The following SPIDR variants were observed in gnomAD, a reference collection of about 807,000 sequenced individuals.
SPIDR encodes scaffold protein involved in DNA repair.
In SPIDR, 93 loss-of-function variants were observed where a neutral mutation model predicts 104.6. The observed-to-expected ratio is 0.89, with a 90% CI of 0.75 to 1.06. SPIDR has a LOEUF of 1.06. Ranked by LOEUF, SPIDR falls within the 50% of genes least tolerant of loss-of-function variation. The pLI is 0.00. For missense variants in SPIDR, 1,154 were observed against 1,111.2 expected (o/e 1.04, Z -0.55); for synonymous variants, 431 against 416.9 (o/e 1.03, Z -0.41).
chr8:47,386,218 T>C (rs2059893453), intron 5 of SPIDR, among the ~76,000 whole-genome samples: 1 of 152,178 alleles, frequency 6.6e-6, no homozygotes, highest in African/African-American at 2.4e-5. Context: ...AGTCTATTCC[T>C]GTGTTGGTAC....
intron 17 of SPIDR, 49 bp downstream of exon 17, chr8:47,727,342 G>C: frequency 6.4e-7 from 1 of 1,564,858 alleles, no homozygotes; most frequent in Non-Finnish European, 8.8e-7. Flanking sequence ...AAAGGGCACA[G>C]AAGCAACCCA....
chr8:47,649,089 G>T (rs534908373), intron 10 of SPIDR, among the ~76,000 whole-genome samples: 1 of 152,212 alleles, frequency 6.6e-6, no homozygotes, highest in East Asian at 1.9e-4. Flanking sequence ...TACACAGAAT[G>T]TAATTAGAAG....
chr8:47,455,633 CAAATT>C (rs1238548341), intron 8 of SPIDR, among the ~76,000 whole-genome samples: 5 of 151,954 alleles, frequency 3.3e-5, no homozygotes, highest in Admixed American at 1.3e-4. Context: ...ACAAGAGAAT[CAAATT>C]AAACATAAGG....
chr8:47,378,038 GT>G (rs2058875926), intron 5 of SPIDR, among the ~76,000 whole-genome samples: 1 of 152,144 alleles, frequency 6.6e-6, no homozygotes, highest in South Asian at 2.1e-4. Context: ...TATGGGTAAA[GT>G]TACACCAAGA....
intron 11 of SPIDR, among the ~76,000 whole-genome samples, chr8:47,694,383 G>T (rs1216159272): frequency 6.6e-6 from 1 of 152,122 alleles, no homozygotes; most frequent in Non-Finnish European, 1.5e-5. Flanking sequence ...GCCAGCAGTG[G>T]GCAGGAAAGG....
intron 11 of SPIDR, among the ~76,000 whole-genome samples, chr8:47,692,720 T>C (rs915592825): frequency 1.3e-5 from 2 of 152,090 alleles, no homozygotes; most frequent in Non-Finnish European, 2.9e-5. Context: ...AGTGCTGGGA[T>C]TACAGGTGTG....
rs186142162 is a variant in SPIDR, at chr8:47,486,702, T to C, written c.1097+46160T>C. 2.6e-5 allele frequency among the ~76,000 whole-genome samples: 4 copies of C among 152,254 alleles called. No individual in the cohort carries two copies. The East Asian group carries it at 7.7e-4, about 29-fold the overall frequency. ...GAGAGTGGGGGCCGATATTCAACAT[T>C]CTTAAAGAAAAGAATTTTCAACCCA... is the stretch of plus-strand genomic sequence containing the variant. On this transcript the variant is annotated intron_variant, in intron 8 of 19. Coordinates refer to ENST00000297423, the MANE Select transcript of SPIDR (RefSeq NM_001080394.4).
intron 11 of SPIDR, among the ~76,000 whole-genome samples, chr8:47,674,399 G>T (rs1217659077): frequency 6.6e-6 from 1 of 151,966 alleles, no homozygotes; most frequent in Admixed American, 6.6e-5. Flanking sequence ...ATGGCACCTC[G>T]CCCTAAAATG....
At chr8:47,342,617 A>G (rs1046728632) in intron 5 of SPIDR, among the ~76,000 whole-genome samples, 7 of 152,134 alleles carry the variant, frequency 4.6e-5, no homozygotes, top group African/African-American at 1.7e-4. Context: ...GATTACAGGT[A>G]TGATCAAGTG....
intron 5 of SPIDR, among the ~76,000 whole-genome samples, chr8:47,299,021 T>C (rs1176591487): frequency 4.6e-5 from 7 of 152,192 alleles, no homozygotes; most frequent in Non-Finnish European, 1.0e-4. Context: ...GGGGATGGCA[T>C]TGAATCTATA....
intron 1 of SPIDR, among the ~76,000 whole-genome samples, chr8:47,270,985 G>C (rs1377256636): frequency 2.6e-5 from 4 of 151,964 alleles, no homozygotes; most frequent in African/African-American, 9.7e-5. Flanking sequence ...ATGGTCTGTC[G>C]GAGAATGTTT....
chr8:47,338,488 A>G (rs2050162400), intron 5 of SPIDR, among the ~76,000 whole-genome samples: 1 of 152,194 alleles, frequency 6.6e-6, no homozygotes, highest in African/African-American at 2.4e-5. Context: ...ATGTTGTTTC[A>G]ATACTAACAT....
chr8:47,508,317 A>G (rs2081796828), intron 8 of SPIDR, among the ~76,000 whole-genome samples: 1 of 152,192 alleles, frequency 6.6e-6, no homozygotes, highest in African/African-American at 2.4e-5. Flanking sequence ...ATGCAAACAC[A>G]TACCACTTTT....
At chr8:47,297,967 A>G (rs2041212924) in intron 5 of SPIDR, among the ~76,000 whole-genome samples, 1 of 152,248 alleles carries the variant, frequency 6.6e-6, no homozygotes, top group East Asian at 1.9e-4. Flanking sequence ...CTTTTGGTAT[A>G]TACCCAGTAA....
intron 10 of SPIDR, among the ~76,000 whole-genome samples, chr8:47,641,473 A>G (rs578129723): frequency 6.6e-6 from 1 of 152,370 alleles, no homozygotes; most frequent in South Asian, 2.1e-4. Flanking sequence ...AATTCGATGC[A>G]TTTACTTAGT....
chr8:47,705,240 G>C (rs891218015), intron 14 of SPIDR, among the ~76,000 whole-genome samples: 1 of 152,198 alleles, frequency 6.6e-6, no homozygotes, highest in African/African-American at 2.4e-5. Flanking sequence ...CCTCCCTCAG[G>C]GAGGTAGAGA....
intron 10 of SPIDR, among the ~76,000 whole-genome samples, chr8:47,669,173 A>G (rs1220405863): frequency 6.6e-6 from 1 of 152,230 alleles, no homozygotes; most frequent in Non-Finnish European, 1.5e-5. Flanking sequence ...TGAATATGAT[A>G]AAATTTATGG....
At chr8:47,616,360 T>C (rs2154433235) in intron 10 of SPIDR, among the ~76,000 whole-genome samples, 1 of 152,322 alleles carries the variant, frequency 6.6e-6, no homozygotes, top group South Asian at 2.1e-4. Flanking sequence ...GTTGAGTCTT[T>C]TTTGTCCTGA....
rs563462438 is a variant in SPIDR at position 47,687,122 on chromosome 8, C to T, written c.1685+13181C>T. 2.9e-4 allele frequency among the ~76,000 whole-genome samples: 44 copies of T among 152,230 alleles called. No individual in the cohort carries two copies. In the South Asian group the frequency reaches 7.5e-3, roughly 26 times the overall value. On this transcript the variant is annotated intron_variant, in intron 11 of 19. Transcript: ENST00000297423. Reference sequence around the variant, plus strand: ...CTTCTCTTTCTCAAGCCACCAACAACGGAGTGGGTTGTGATGAAGCCATTG... The same window carrying T: ...CTTCTCTTTCTCAAGCCACCAACAATGGAGTGGGTTGTGATGAAGCCATTG...
Sources: gnomAD v4.1 joint callset for allele counts (sites outside exome capture counted in the v4.1 genomes callset) on GRCh38, gnomAD v4.1.1 for gene constraint, MANE v1.5 for transcripts, NCBI Gene and HGNC (gene_info 2026-07-23, HGNC 2026-07-21) for gene names.